The following COL4A5 variants were observed in gnomAD, a reference collection of about 807,000 sequenced individuals.
COL4A5 encodes the protein collagen alpha-5(IV) chain.
COL4A5 carries 26 observed loss-of-function variants against 130.2 expected under a neutral mutation model. That is an observed-to-expected ratio of 0.20 (90% CI 0.15 to 0.28). The LOEUF is 0.28. Among genes scored for constraint, COL4A5 ranks in the 10% least tolerant of loss-of-function variants. The pLI, the probability that COL4A5 is intolerant of heterozygous loss-of-function variation, is 1.00. For synonymous variants in COL4A5, 496 were observed against 439.6 expected, an observed-to-expected ratio of 1.13 and a Z score of -1.60; for missense variants, 1,131 against 1,344.3, an observed-to-expected ratio of 0.84 and a Z score of 2.48.
In COL4A5 at chrX:108,622,798, G is replaced by A; in HGVS notation, c.2890G>A (p.Gly964Arg). Reference protein sequence around the residue: ...PMDPNLLGSKGEKGEPGLPGI... With the variant: ...PMDPNLLGSKREKGEPGLPGI... ...GGATCCAAATCTTCTGGGCTCAAAA[G>A]GAGAGAAGGGGGAACCTGGCTTACC... The change falls in exon 33 of 53, where the codon GGA becomes AGA. Residue 964 changes from glycine to arginine, a missense_variant. Transcript: ENST00000328300. The A allele has an allele frequency of 1.7e-6, 2 of 1,210,557 alleles. No homozygotes were observed. The highest frequency in any genetic ancestry group is 2.2e-6 in the Non-Finnish European group (2 of 895,010).
chrX:108,569,370 A>T (rs1287638907), intron 6 of COL4A5, among the ~76,000 whole-genome samples: 1 of 112,137 alleles, frequency 8.9e-6, no homozygotes, highest in African/African-American at 3.2e-5. Context: ...ATTTTAAATA[A>T]CCCTAACTTT....
chrX:108,502,673 C>G (rs2065092344), intron 1 of COL4A5, among the ~76,000 whole-genome samples: 1 of 111,184 alleles, frequency 9.0e-6, no homozygotes, highest in Non-Finnish European at 1.9e-5. Flanking sequence ...CTTAGAAAAT[C>G]ACACACACAA....
intron 19 of COL4A5, among the ~76,000 whole-genome samples, chrX:108,588,057 A>G (rs1177493049): frequency 9.0e-6 from 1 of 110,998 alleles, no homozygotes; most frequent in East Asian, 2.8e-4. Flanking sequence ...ACTGAGTTTT[A>G]TATTATTCCC....
intron 36 of COL4A5, among the ~76,000 whole-genome samples, chrX:108,649,453 A>G (rs2067675829): frequency 8.9e-6 from 1 of 111,982 alleles, no homozygotes; most frequent in Non-Finnish European, 1.9e-5. Context: ...AGCCAAAGCA[A>G]GACTAAACAA....
chrX:108,575,862 G>T (rs776844707), intron 9 of COL4A5, 48 bp from the exon 10 acceptor site: 2 of 897,542 alleles, frequency 2.2e-6, no homozygotes, highest in Non-Finnish European at 3.2e-6. Context: ...ACAATAAGGG[G>T]CTTGTTTTTC....
In COL4A5 at chrX:108,696,442, G is replaced by T. The variant is rs2068736100; in HGVS notation, c.*64G>T. ...TATATATATATAAAATTCCTAGGAT[G>T]CAGTGTCTCATTGTCCCCAACTTTA... On this transcript the variant is annotated 3_prime_UTR_variant, in exon 53 of 53. Transcript: ENST00000328300. The T allele has an allele frequency of 1.1e-6, 1 of 917,713 alleles. No individual in the cohort carries two copies. The highest frequency in any genetic ancestry group is 1.5e-6 in the Non-Finnish European group (1 of 645,261). The allele number at this position is 917,713 out of a possible 1,213,427, so 75.6% of individuals were successfully genotyped here.
chrX:108,609,746 T>G (rs776671594), intron 29 of COL4A5, among the ~76,000 whole-genome samples: 1 of 111,728 alleles, frequency 9.0e-6, no homozygotes, highest in African/African-American at 3.2e-5. Flanking sequence ...TGTCAAATAA[T>G]TTTTGTTCAG....
chrX:108,491,518 G>A (rs1221366655), intron 1 of COL4A5, among the ~76,000 whole-genome samples: 7 of 111,397 alleles, frequency 6.3e-5, no homozygotes, highest in African/African-American at 2.0e-4. Flanking sequence ...AAATAAACTG[G>A]CAAATACTCT....
At chrX:108,606,088 T>C (rs752148304) in intron 28 of COL4A5, among the ~76,000 whole-genome samples, 1 of 111,797 alleles carries the variant, frequency 8.9e-6, no homozygotes, top group Non-Finnish European at 1.9e-5. Flanking sequence ...TTATTTTTCA[T>C]GGGAAAAACA....
rs2147819433 is a variant in COL4A5, at chrX:108,601,446, C to T, written c.2002C>T (p.Pro668Ser). 3 of 1,207,221 alleles carry T rather than the reference C, an allele frequency of 2.5e-6. No individual in the cohort carries two copies. Among genetic ancestry groups the T allele is most frequent in the Non-Finnish European group, 3.4e-6 (3 of 893,498 alleles). ...AACCCAGCCGGGGAAGCCTGGCTTG[C>T]CTGGTAACCCAGGCAGAGATGGTGA... Reference protein sequence around the residue: ...TITQPGKPGLPGNPGRDGDVG... With the variant: ...TITQPGKPGLSGNPGRDGDVG... The change falls in exon 26 of 53, where the codon CCT becomes TCT. Residue 668 changes from proline to serine, a missense_variant. Coordinates refer to ENST00000328300, the MANE Select transcript of COL4A5 (RefSeq NM_033380.3).
intron 37 of COL4A5, among the ~76,000 whole-genome samples, chrX:108,657,233 C>A (rs2067860493): frequency 9.0e-6 from 1 of 111,026 alleles, no homozygotes; most frequent in African/African-American, 3.3e-5. Context: ...CAATTGCTCC[C>A]TACACTATTT....
intron 1 of COL4A5, among the ~76,000 whole-genome samples, chrX:108,465,095 C>T (rs1416482039): frequency 8.9e-6 from 1 of 111,936 alleles, no homozygotes; most frequent in Non-Finnish European, 1.9e-5. Context: ...CACTGACCTG[C>T]TGTCACTATG....
chrX:108,580,826 T>A, intron 15 of COL4A5, 88 bp downstream of exon 15: 1 of 986,394 alleles, frequency 1.0e-6, no homozygotes, highest in South Asian at 1.9e-5. Context: ...CATCTTCCAT[T>A]GTTTCAAAAT....
At chrX:108,481,075 A>G (rs1284836188) in intron 1 of COL4A5, among the ~76,000 whole-genome samples, 1 of 111,316 alleles carries the variant, frequency 9.0e-6, no homozygotes, top group African/African-American at 3.3e-5. Context: ...AAATGACCAC[A>G]GGATGAGTCT....
intron 1 of COL4A5, among the ~76,000 whole-genome samples, chrX:108,480,792 G>C (rs1473388984): frequency 8.9e-6 from 1 of 112,748 alleles, no homozygotes; most frequent in Non-Finnish European, 1.9e-5. Context: ...TCTGTCTTCT[G>C]CACAGGCCAA....
rs186794536 is a variant in COL4A5 at position 108,526,729 on chromosome X, C to T, written c.82-13017C>T. 3.2e-3 allele frequency among the ~76,000 whole-genome samples: 248 copies of T among 77,667 alleles called. 7 individuals are homozygous for T. The Admixed American group carries it at 0.036, about 11-fold the overall frequency. The allele number at this position is 77,667 out of a possible 115,157, so 67.4% of individuals were successfully genotyped here. ...TCTTTCTTTCTTTCTTTCTTTCTTC[C>T]TCCTCCTCCTCCTTCTTCTTCTTTT... On this transcript the variant is annotated intron_variant, in intron 1 of 52. Transcript: ENST00000328300.
intron 36 of COL4A5, among the ~76,000 whole-genome samples, chrX:108,646,859 T>G (rs1327104019): frequency 9.0e-6 from 1 of 110,656 alleles, no homozygotes; most frequent in Non-Finnish European, 1.9e-5. Context: ...ATTGCTTGTT[T>G]TTGTCAGGTT....
chrX:108,547,477 C>T (rs140813355), intron 2 of COL4A5, among the ~76,000 whole-genome samples: 45 of 111,701 alleles, frequency 4.0e-4, no homozygotes, highest in Admixed American at 3.0e-3. Flanking sequence ...GAAGTTTCAT[C>T]TCAGAGGGGT....
chrX:108,454,278 T>C (rs770327186), intron 1 of COL4A5, among the ~76,000 whole-genome samples: 1 of 111,812 alleles, frequency 8.9e-6, no homozygotes, highest in South Asian at 3.7e-4. Context: ...TGTTTTGTTT[T>C]TGTTTTGTTT....
Sources: gnomAD v4.1 joint callset for allele counts (sites outside exome capture counted in the v4.1 genomes callset) on GRCh38, gnomAD v4.1.1 for gene constraint, MANE v1.5 for transcripts, NCBI Gene and HGNC (gene_info 2026-07-23, HGNC 2026-07-21) for gene names.